Variants in HTR3B observed in about 807,000 individuals in gnomAD.
The protein encoded by HTR3B is 5-hydroxytryptamine receptor 3B, also known as 5-hydroxytryptamine (serotonin) receptor 3B, ionotropic.
A neutral mutation model predicts 42.8 loss-of-function variants in HTR3B; 44 were observed. The ratio of observed to expected loss-of-function variants is 1.03; its 90% confidence interval spans 0.81 to 1.32. HTR3B has a LOEUF of 1.32. Ranked by LOEUF, HTR3B falls within the 40% of genes most tolerant of loss-of-function variation. The probability of loss-of-function intolerance (pLI) is 0.00; values close to 1 mark genes in which losing one functional copy is unlikely to be tolerated. For synonymous variants in HTR3B, 203 were observed against 209.0 expected, an observed-to-expected ratio of 0.97 and a Z score of 0.25; for missense variants, 527 against 536.5, an observed-to-expected ratio of 0.98 and a Z score of 0.17.
chr11:113,906,039 A>T (rs1949730679), intron 1 of HTR3B, among the ~76,000 whole-genome samples: 1 of 152,228 alleles, frequency 6.6e-6, no homozygotes, highest in African/African-American at 2.4e-5. Context: ...TAAAATAGAA[A>T]AATGAAGGTA....
chr11:113,942,603 T>A (rs1046840561), intron 6 of HTR3B, among the ~76,000 whole-genome samples: 13 of 152,342 alleles, frequency 8.5e-5, no homozygotes, highest in African/African-American at 3.1e-4. Context: ...TCCTGGTTTG[T>A]AAAATGAAGT....
chr11:113,900,023 T>C (rs767625351), upstream of HTR3B, among the ~76,000 whole-genome samples: 1 of 152,118 alleles, frequency 6.6e-6, no homozygotes, highest in Non-Finnish European at 1.5e-5. Flanking sequence ...TCTTAAAACT[T>C]TGGGAGGCCG....
In HTR3B at chr11:113,904,958, C is replaced by T. The variant is rs1392501687; in HGVS notation, c.25C>T (p.Leu9=). 1 of 1,613,630 alleles carries T rather than the reference C, an allele frequency of 6.2e-7. No homozygotes were observed. Among genetic ancestry groups the T allele is most frequent in the Non-Finnish European group, 8.5e-7 (1 of 1,179,690 alleles). ...AATGTTGTCAAGTGTAATGGCTCCC[C>T]TGTGGGCCTGCATCCTGGTGGCTGC... is the stretch of plus-strand genomic sequence containing the variant. MLSSVMAP[L]WACILVAAGI... is the part of the protein sequence containing the mutation. The change falls in exon 1 of 9, where the codon CTG becomes TTG. Residue 9 remains leucine (L), a synonymous_variant. Coordinates refer to ENST00000260191, the MANE Select transcript of HTR3B (RefSeq NM_006028.5).
chr11:113,935,269 G>A (rs1950081946), intron 6 of HTR3B, among the ~76,000 whole-genome samples: 1 of 152,064 alleles, frequency 6.6e-6, no homozygotes, highest in African/African-American at 2.4e-5. Flanking sequence ...TCTCCTCACT[G>A]CCATGCTTCC....
At chr11:113,932,791 C>T (rs1950049850) in intron 5 of HTR3B, 145 bp from the exon 6 acceptor site, 10 of 761,352 alleles carry the variant, frequency 1.3e-5, no homozygotes, top group Non-Finnish European at 1.9e-5. Context: ...TTCCACATCC[C>T]TACCCCCTAA....
intron 2 of HTR3B, among the ~76,000 whole-genome samples, chr11:113,922,516 G>A (rs1949926042): frequency 1.3e-5 from 2 of 152,068 alleles, no homozygotes; most frequent in Non-Finnish European, 2.9e-5. Flanking sequence ...TTACAGGCAT[G>A]AGCCGCCGGG....
intron 2 of HTR3B, among the ~76,000 whole-genome samples, chr11:113,914,194 G>A (rs576536393): frequency 9.2e-5 from 14 of 152,048 alleles, no homozygotes; most frequent in East Asian, 7.8e-4. Context: ...TTGGCTGGGC[G>A]CAGTGGCTTA....
chr11:113,909,225 C>T (rs763047356), intron 1 of HTR3B, 70 bp from the exon 2 acceptor site: 3 of 1,213,858 alleles, frequency 2.5e-6, no homozygotes, highest in African/African-American at 1.5e-5. Flanking sequence ...GAGTCCTGAA[C>T]AGTCTGAAAC....
chr11:113,934,594 G>A (rs1950072252), intron 6 of HTR3B, among the ~76,000 whole-genome samples: 1 of 152,156 alleles, frequency 6.6e-6, no homozygotes, highest in Non-Finnish European at 1.5e-5. Context: ...GTTGTGGTTT[G>A]AACCTGACTA....
chr11:113,910,003 A>AC (rs1949771716), intron 2 of HTR3B, among the ~76,000 whole-genome samples: 1 of 151,596 alleles, frequency 6.6e-6, no homozygotes, highest in Non-Finnish European at 1.5e-5. Flanking sequence ...AAAAAAAAAA[A>AC]AAAAAAACTT....
At chr11:113,944,467 C>T in intron 7 of HTR3B, 106 bp from the exon 8 acceptor site, 1 of 1,039,040 alleles carries the variant, frequency 9.6e-7, no homozygotes, top group South Asian at 1.5e-5. Context: ...CACCACTGCA[C>T]TCCAGCTTGG....
intron 1 of HTR3B, 147 bp from the exon 2 acceptor site, chr11:113,909,148 C>T (rs1056803956): frequency 1.5e-6 from 1 of 667,544 alleles, no homozygotes; most frequent in Non-Finnish European, 2.6e-6. Context: ...GCCAAAGGCC[C>T]CACCAGCTGG....
In HTR3B at chr11:113,928,828, C is replaced by T. The variant is rs375616705; in HGVS notation, c.214-2556C>T. Among the ~76,000 whole-genome samples the T allele has an allele frequency of 2.7e-3, 413 of 152,298 alleles. 1 individual carries two copies. The highest frequency in any genetic ancestry group is 3.9e-3 in the Non-Finnish European group (264 of 68,024). The stretch of plus-strand genomic sequence containing the variant: ...CTGGGATTACAGGCGTGAGCCACCG[C>T]GCCCAGCTGTAGAATTTCCTTCCTT... On this transcript the variant is annotated intron_variant, in intron 2 of 8. Transcript: ENST00000260191.
Position 113,904,917 on chromosome 11 carries a change from T to C in HTR3B, c.-17T>C, listed in dbSNP as rs753923954. 1.9e-5 allele frequency: 30 copies of C among 1,612,248 alleles called. No homozygotes were observed. In the South Asian group the frequency reaches 2.5e-4, roughly 14 times the overall value. ...GTAGGCAAGTTTGCATTTCTCCTTTTTGGGATCTGCCCAGGAATGTTGTCA... is the reference window on the plus strand; with the variant it reads ...GTAGGCAAGTTTGCATTTCTCCTTTCTGGGATCTGCCCAGGAATGTTGTCA... On this transcript the variant is annotated 5_prime_UTR_variant, in exon 1 of 9. Transcript: ENST00000260191.
chr11:113,946,353 TAAATAA>T lies in HTR3B; in HGVS notation c.*218_*223del. ...ACATCTCTACCAGTAAATAAATAAA[TAAATAA>T]ATAAATAAATAAATAAATAAATAGC... On this transcript the variant is annotated 3_prime_UTR_variant, in exon 9 of 9. Transcript: ENST00000260191. 5.6e-6 allele frequency: 1 copy of T among 177,384 alleles called. No individual in the cohort carries two copies. Among genetic ancestry groups the T allele is most frequent in the Non-Finnish European group, 1.1e-5 (1 of 89,844 alleles). The allele number at this position is 177,384 out of a possible 1,614,324, so 11.0% of individuals were successfully genotyped here.
intron 2 of HTR3B, among the ~76,000 whole-genome samples, chr11:113,929,212 T>A (rs1950007293): frequency 6.6e-6 from 1 of 152,258 alleles, no homozygotes; most frequent in Admixed American, 6.5e-5. Flanking sequence ...GTCGCCATTC[T>A]AATGAGTGTG....
chr11:113,922,641 C>T (rs868017508), intron 2 of HTR3B, among the ~76,000 whole-genome samples: 2 of 151,982 alleles, frequency 1.3e-5, no homozygotes, highest in African/African-American at 2.4e-5. Context: ...CTACAAGCTC[C>T]GCCTCCTCGG....
At chr11:113,921,387 G>T (rs922244777) in intron 2 of HTR3B, among the ~76,000 whole-genome samples, 2 of 151,698 alleles carry the variant, frequency 1.3e-5, no homozygotes, top group Non-Finnish European at 2.9e-5. Flanking sequence ...CTTGTGATCT[G>T]CCCGCCTCAG....
chr11:113,945,807 T>C, intron 8 of HTR3B, 95 bp from the exon 9 acceptor site: 1 of 870,444 alleles, frequency 1.1e-6, no homozygotes, highest in Non-Finnish European at 1.9e-6. Context: ...CACCTGCAAC[T>C]TTCCTTGAAG....
Sources: gnomAD v4.1 joint callset for allele counts (sites outside exome capture counted in the v4.1 genomes callset) on GRCh38, gnomAD v4.1.1 for gene constraint, MANE v1.5 for transcripts, NCBI Gene and HGNC (gene_info 2026-07-23, HGNC 2026-07-21) for gene names.